TGM1: variants seen among roughly 807,000 people sequenced by gnomAD.
TGM1 encodes transglutaminase 1.
A neutral mutation model predicts 88.7 loss-of-function variants in TGM1; 63 were observed. That is an observed-to-expected ratio of 0.71 (90% CI 0.58 to 0.88). TGM1 has a LOEUF of 0.88. TGM1 is among the 40% of genes least tolerant of loss of function. The probability of loss-of-function intolerance (pLI) is 0.00; values close to 1 mark genes in which losing one functional copy is unlikely to be tolerated. For synonymous variants in TGM1, 415 were observed against 431.1 expected, an observed-to-expected ratio of 0.96 and a Z score of 0.46; for missense variants, 996 against 1,118.0, an observed-to-expected ratio of 0.89 and a Z score of 1.56.
chr14:24,252,807 A>G (rs1950494), intron 14 of TGM1, among the ~76,000 whole-genome samples: 131,718 of 152,200 alleles, frequency 0.87, 57,033 homozygotes, highest in Admixed American at 0.91. Context: ...TTTCTCAGGA[A>G]CTCGCTGTCT....
chr14:24,260,587 A>G lies in TGM1; in HGVS notation c.620T>C (p.Leu207Pro). The change falls in exon 4 of 15, where the codon CTG becomes CCG. Residue 207 changes from leucine to proline, a missense_variant. Coordinates refer to ENST00000206765, the MANE Select transcript of TGM1 (RefSeq NM_000359.3). ...GGCGTTGGGGGAAGTGTGGACCCGC[A>G]GGTTCAGATTCTGCCCACTGGCCTT... The part of the protein sequence containing the change: ...VVKASGQNLN[L>P]RVHTSPNAII... The G allele has an allele frequency of 6.2e-7, 1 of 1,614,162 alleles. No homozygotes were observed. The highest frequency in any genetic ancestry group is 8.5e-7 in the Non-Finnish European group (1 of 1,180,020).
rs777960926 is a variant in TGM1, at chr14:24,262,216, C to T, written c.137G>A (p.Arg46His). 1.6e-5 allele frequency: 26 copies of T among 1,613,796 alleles called. No individual in the cohort carries two copies. Among genetic ancestry groups the T allele is most frequent in the Admixed American group, 3.3e-5 (2 of 60,010 alleles). ...RRGGGRSFWA[R>H]CCGCCSCRNA... ...TCGGCATGAACAGCAGCCACAGCAG[C>T]GAGCCCAGAAGGAACGGCCTCCTCC... is the stretch of plus-strand genomic sequence containing the variant. The change falls in exon 2 of 15, where the codon CGC (arginine) becomes CAC (histidine). Residue 46 changes from arginine to histidine, a missense_variant. Physicochemically the swap from Arg to His is conservative, Grantham distance 29. Transcript: ENST00000206765.
intron 14 of TGM1, among the ~76,000 whole-genome samples, chr14:24,250,456 C>T (rs2040692496): frequency 6.6e-6 from 1 of 152,166 alleles, no homozygotes; most frequent in Non-Finnish European, 1.5e-5. Context: ...CACACAGGCT[C>T]ACTCTGACCC....
At chr14:24,260,143 T>A in intron 4 of TGM1, 85 bp from the exon 5 acceptor site, 1 of 1,267,524 alleles carries the variant, frequency 7.9e-7, no homozygotes, top group Non-Finnish European at 1.2e-6. Context: ...GCAGGACTCA[T>A]GTCCACAGAA....
In TGM1 at chr14:24,259,698, G is replaced by A; in HGVS notation, c.984+6C>T. 1 of 1,606,212 alleles carries A rather than the reference G, an allele frequency of 6.2e-7. No individual in the cohort carries two copies. The highest frequency in any genetic ancestry group is 8.5e-7 in the Non-Finnish European group (1 of 1,175,686). On this transcript the variant is annotated splice_donor_region_variant and intron_variant, in intron 6 of 14. Transcript: ENST00000206765. The surrounding 1 kb of genome is among the most constrained non-coding windows in gnomAD (Gnocchi z 5.7). ...CAGTAGGACTCAGAGATGTGAGGGT[G>A]CTCACCATGGCAGAGATGACCCGGG...
chr14:24,258,222 A>C, intron 9 of TGM1, 63 bp downstream of exon 9: 2 of 1,404,732 alleles, frequency 1.4e-6, no homozygotes. Flanking sequence ...GACACTCTGG[A>C]CTGTGTTAAT....
At position 24,249,246 on chromosome 14, in the gene TGM1, G is replaced by T. The variant is rs2040678466; in HGVS notation, c.*67C>A. 1 of 1,459,890 alleles carries T rather than the reference G, an allele frequency of 6.8e-7. No homozygotes were observed. Among genetic ancestry groups the T allele is most frequent in the Non-Finnish European group, 9.5e-7 (1 of 1,049,256 alleles). 90.4% of individuals were successfully genotyped at this position (1,459,890 alleles called of 1,614,324 possible). A position where few individuals can be genotyped will look rare whatever the true frequency, so the allele number is the denominator to read the frequency against. On this transcript the variant is annotated 3_prime_UTR_variant, in exon 15 of 15. Coordinates refer to ENST00000206765, the MANE Select transcript of TGM1 (RefSeq NM_000359.3). ...TGAGCTCCTGGGGAGCTGCTCTGTA[G>T]TGTGCCCCTATCTTGGGGCAATGTC...
intron 14 of TGM1, among the ~76,000 whole-genome samples, chr14:24,253,477 T>TGA: frequency 6.6e-6 from 1 of 151,808 alleles, no homozygotes; most frequent in East Asian, 1.9e-4. Context: ...TGTGTGTGTG[T>TGA]GACAGAGAGA....
rs925689585 is a variant in TGM1, at chr14:24,255,308, C to T, written c.1646-55G>A. ...CAATTCCCACGTGGGTGGCCAAGCA[C>T]TTGGCAGGAACACTTGTTGTGGGGC... is the stretch of plus-strand genomic sequence containing the variant. On this transcript the variant is annotated intron_variant, in intron 11 of 14. Transcript: ENST00000206765. This position sits in a 1 kb window ranked among gnomAD's most constrained non-coding sequence, Gnocchi z 4.0. The T allele has an allele frequency of 1.2e-5, 20 of 1,614,206 alleles. No individual in the cohort carries two copies. In the African/African-American group the frequency reaches 1.5e-4, roughly 12 times the overall value.
rs151333205 is a variant in TGM1 at position 24,262,257 on chromosome 14, G to A, written c.96C>T (p.Asp32=). The A allele has an allele frequency of 2.3e-4, 375 of 1,613,774 alleles. 2 individuals carry two copies. The highest frequency in any genetic ancestry group is 6.9e-4 in the African/African-American group (52 of 75,056). The stretch of plus-strand genomic sequence containing the variant: ...GGCCTCCTCCTCTGCGAGAGCGTCC[G>A]TCTGGCTCTGGCTCTGGCTCTGGAG... ...TPSPEPEPEP[D]GRSRRGGGRS... is the part of the protein sequence containing the mutation. The change falls in exon 2 of 15, where the codon GAC becomes GAT. Residue 32 remains aspartate, a synonymous_variant. Transcript: ENST00000206765.
At chr14:24,262,643 CAT>C (rs2040824365) in intron 1 of TGM1, among the ~76,000 whole-genome samples, 1 of 152,252 alleles carries the variant, frequency 6.6e-6, no homozygotes, top group Admixed American at 6.5e-5. Context: ...AGGAAATCCA[CAT>C]AGTTCCCTGC....
chr14:24,254,535 G>C, intron 13 of TGM1, 129 bp downstream of exon 13: 1 of 1,451,870 alleles, frequency 6.9e-7, no homozygotes, highest in Non-Finnish European at 9.5e-7. Context: ...CCCCAGAGCC[G>C]GTCCTTGACC....
chr14:24,260,290 G>A (rs1383295403), intron 4 of TGM1, 160 bp downstream of exon 4: 5 of 1,259,982 alleles, frequency 4.0e-6, no homozygotes, highest in Non-Finnish European at 5.6e-6. Flanking sequence ...CCCTGGGCTG[G>A]CCACCTTTCT....
Position 24,255,359 on chromosome 14 carries a change from G to A in TGM1, c.1645+5C>T. 1 of 1,614,192 alleles carries A rather than the reference G, an allele frequency of 6.2e-7. No individual in the cohort carries two copies. Among genetic ancestry groups the A allele is most frequent in the Non-Finnish European group, 8.5e-7 (1 of 1,180,034 alleles). ...CCAGAGCTGGCTGGGTTGGGGGAAT[G>A]GTACCTTCTGGGTGCTTATAGAGGT... is the stretch of plus-strand genomic sequence containing the variant. On this transcript the variant is annotated splice_donor_5th_base_variant and intron_variant, in intron 11 of 14. Coordinates refer to ENST00000206765, the MANE Select transcript of TGM1 (RefSeq NM_000359.3). The surrounding 1 kb of genome is among the most constrained non-coding windows in gnomAD (Gnocchi z 4.0).
rs1340832214 is a variant in TGM1, at chr14:24,254,677, T to C, written c.2075A>G (p.Asp692Gly). The change falls in exon 13 of 15, where the codon GAC (aspartate) becomes GGC (glycine). Residue 692 changes from aspartate (D) to glycine (G), a missense_variant. Physicochemically the swap from Asp to Gly is moderately conservative, Grantham distance 94. Coordinates refer to ENST00000206765, the MANE Select transcript of TGM1 (RefSeq NM_000359.3). ...AACTGCATTCACCGTGAGGGAGAGG[T>C]CTGGGGTGCGCAGACGGAAGGTGTG... ...KQHTFRLRTP[D>G]LSLTLLGAAV... The C allele has an allele frequency of 5.0e-6, 8 of 1,613,688 alleles. No individual in the cohort carries two copies. The highest frequency in any genetic ancestry group is 1.7e-6 in the Non-Finnish European group (2 of 1,180,000).
rs1348295336 is a variant in TGM1 at position 24,258,392 on chromosome 14, G to A, written c.1299-4C>T. On this transcript the variant is annotated splice_polypyrimidine_tract_variant and splice_region_variant and intron_variant, in intron 8 of 14. Transcript: ENST00000206765. ...GTCGTTCCACACATGGAAGTTCCTGGATGGACATGGAGGAGGGGCTGGGTC... is the reference window on the plus strand; with the variant it reads ...GTCGTTCCACACATGGAAGTTCCTGAATGGACATGGAGGAGGGGCTGGGTC... 1.2e-6 allele frequency: 2 copies of A among 1,613,904 alleles called. No individual in the cohort carries two copies. Among genetic ancestry groups the A allele is most frequent in the Admixed American group, 1.7e-5 (1 of 59,994 alleles).
chr14:24,249,846 C>T (rs1417911839), intron 14 of TGM1, among the ~76,000 whole-genome samples: 1 of 152,182 alleles, frequency 6.6e-6, no homozygotes, highest in African/African-American at 2.4e-5. Context: ...CATGCCATCC[C>T]CTCCATCACC....
At chr14:24,260,088 C>G in intron 4 of TGM1, 30 bp from the exon 5 acceptor site, 1 of 1,578,124 alleles carries the variant, frequency 6.3e-7, no homozygotes, top group Non-Finnish European at 8.7e-7. Flanking sequence ...AAAACTGGTT[C>G]CCTCCAGTTC....
In TGM1 at chr14:24,255,865, G is replaced by A. The variant is rs1365240144; in HGVS notation, c.1491+124C>T. On this transcript the variant is annotated intron_variant, in intron 10 of 14. Coordinates refer to ENST00000206765, the MANE Select transcript of TGM1 (RefSeq NM_000359.3). This position sits in a 1 kb window ranked among gnomAD's most constrained non-coding sequence, Gnocchi z 4.0. ...GCCTTGATTATCCCCTTTTACAGGT[G>A]AGGAAACTGACTTGTATAATGAGTG... 1.4e-5 allele frequency: 12 copies of A among 848,516 alleles called. No individual in the cohort carries two copies. In the African/African-American group the frequency reaches 1.5e-4, roughly 11 times the overall value. The allele number at this position is 848,516 out of a possible 1,614,324, so 52.6% of individuals were successfully genotyped here. A position where few individuals can be genotyped will look rare whatever the true frequency, so the allele number is the denominator to read the frequency against.
Sources: gnomAD v4.1 joint callset for allele counts (sites outside exome capture counted in the v4.1 genomes callset) on GRCh38, gnomAD v4.1.1 for gene constraint, Gnocchi (gnomAD v3.1) non-coding constraint, MANE v1.5 for transcripts, NCBI Gene and HGNC (gene_info 2026-07-23, HGNC 2026-07-21) for gene names.